Variants in TMC1 observed in about 807,000 individuals in gnomAD.
TMC1 encodes the protein transmembrane channel-like protein 1.
Under a neutral mutation model 105.8 loss-of-function variants are expected in TMC1, and 84 were observed. That is an observed-to-expected ratio of 0.79 (90% confidence interval 0.67 to 0.95). TMC1 has a LOEUF of 0.95. TMC1 is among the 40% of genes least tolerant of loss of function. The probability of loss-of-function intolerance (pLI) is 0.00; values close to 1 mark genes in which losing one functional copy is unlikely to be tolerated. For synonymous variants in TMC1, 315 were observed against 311.5 expected (o/e 1.01, Z -0.12); for missense variants, 817 against 914.1 (o/e 0.89, Z 1.37).
At position 72,816,159 on chromosome 9, in the gene TMC1, T is replaced by C. The variant is rs1430309680; in HGVS notation, c.1712T>C (p.Phe571Ser). 5 of 1,613,378 alleles carry C rather than the reference T, an allele frequency of 3.1e-6. No homozygotes were observed. The highest frequency in any genetic ancestry group is 4.2e-6 in the Non-Finnish European group (5 of 1,179,534). ...CTCCTCTAGCCTTCATACACCGAATTCGACATCAGTGGCAACGTCCTCGCT... is the reference window on the plus strand; with the variant it reads ...CTCCTCTAGCCTTCATACACCGAATCCGACATCAGTGGCAACGTCCTCGCT... ...LEYGYPSYTE[F>S]DISGNVLALI... Residue 571 changes from phenylalanine (F) to serine (S), a missense_variant, in exon 19 of 24, where the codon TTC becomes TCC. Phe to Ser is a radical substitution (Grantham distance 155, BLOSUM62 -2). Transcript: ENST00000297784.
At chr9:72,763,938 T>C (rs1827793205) in intron 12 of TMC1, among the ~76,000 whole-genome samples, 3 of 152,128 alleles carry the variant, frequency 2.0e-5, no homozygotes, top group African/African-American at 7.2e-5. Flanking sequence ...ATGACTAGGT[T>C]AGAGACTAAG....
intron 7 of TMC1, among the ~76,000 whole-genome samples, chr9:72,695,510 C>G (rs1826533725): frequency 6.6e-6 from 1 of 150,790 alleles, no homozygotes; most frequent in Non-Finnish European, 1.5e-5. Context: ...AGAGAACAGC[C>G]AACCTGTTCC....
intron 18 of TMC1, among the ~76,000 whole-genome samples, chr9:72,809,958 TGAGA>T (rs35770251): frequency 2.7e-4 from 41 of 150,742 alleles, no homozygotes; most frequent in African/African-American, 9.0e-4. Flanking sequence ...TGTGTGTGTG[TGAGA>T]GAGAGAGAGA....
chr9:72,531,244 T>G (rs1823494672), intron 1 of TMC1, among the ~76,000 whole-genome samples: 1 of 152,164 alleles, frequency 6.6e-6, no homozygotes. Flanking sequence ...GGAGTCTACT[T>G]TTGTCTACTT....
At chr9:72,736,061 A>T (rs867491913) in intron 8 of TMC1, among the ~76,000 whole-genome samples, 1 of 152,182 alleles carries the variant, frequency 6.6e-6, no homozygotes, top group African/African-American at 2.4e-5. Flanking sequence ...AAGAAAAGAA[A>T]TTCATACCTG....
intron 3 of TMC1, among the ~76,000 whole-genome samples, chr9:72,618,944 A>G (rs1825192500): frequency 6.6e-6 from 1 of 152,188 alleles, no homozygotes; most frequent in South Asian, 2.1e-4. Flanking sequence ...ACTCGCAACA[A>G]TTACCAAGCC....
intron 2 of TMC1, among the ~76,000 whole-genome samples, chr9:72,587,170 T>G (rs1000178553): frequency 5.3e-5 from 8 of 152,128 alleles, no homozygotes; most frequent in Non-Finnish European, 8.8e-5. Context: ...CTTTTTTTTT[T>G]TTTTTGACAT....
chr9:72,732,860 G>A (rs1419583597), intron 8 of TMC1, among the ~76,000 whole-genome samples: 6 of 152,170 alleles, frequency 3.9e-5, no homozygotes, highest in Non-Finnish European at 7.4e-5. Flanking sequence ...AGATTTTGAG[G>A]GGATGAAGTG....
At chr9:72,822,455 A>G (rs1463955231) in intron 20 of TMC1, among the ~76,000 whole-genome samples, 1 of 151,972 alleles carries the variant, frequency 6.6e-6, no homozygotes, top group African/African-American at 2.4e-5. Flanking sequence ...TGATCGAGTT[A>G]AACTAGCTGG....
At chr9:72,554,923 G>A (rs1455511425) in intron 1 of TMC1, among the ~76,000 whole-genome samples, 1 of 152,100 alleles carries the variant, frequency 6.6e-6, no homozygotes, top group Non-Finnish European at 1.5e-5. Flanking sequence ...CTGCTGCCCA[G>A]GCCAAAGTGC....
intron 5 of TMC1, among the ~76,000 whole-genome samples, chr9:72,658,458 A>G (rs1372217072): frequency 6.6e-6 from 1 of 152,240 alleles, no homozygotes; most frequent in African/African-American, 2.4e-5. Flanking sequence ...ATACGGGTAG[A>G]GTTCCATAAA....
At chr9:72,538,775 C>T (rs866440570) in intron 1 of TMC1, among the ~76,000 whole-genome samples, 40 of 152,184 alleles carry the variant, frequency 2.6e-4, no homozygotes, top group African/African-American at 9.2e-4. Flanking sequence ...TCCTTTAGGT[C>T]TTGCTATGTC....
chr9:72,563,321 T>C (rs1233822847), intron 1 of TMC1, among the ~76,000 whole-genome samples: 6 of 152,156 alleles, frequency 3.9e-5, no homozygotes, highest in Non-Finnish European at 1.5e-5. Context: ...TCATCAGCTT[T>C]ACATTTCACT....
At chr9:72,711,738 A>G (rs1463793138) in intron 8 of TMC1, among the ~76,000 whole-genome samples, 1 of 152,156 alleles carries the variant, frequency 6.6e-6, no homozygotes, top group Admixed American at 6.5e-5. Context: ...ATCTGATAAT[A>G]GTTTCTTTTC....
chr9:72,818,753 G>A (rs1828827753), intron 19 of TMC1: 1 of 152,174 alleles, frequency 6.6e-6, no homozygotes, highest in Non-Finnish European at 1.5e-5. Context: ...GCCTGGGTAA[G>A]GGACTTAGTG....
intron 23 of TMC1, 67 bp downstream of exon 23, chr9:72,830,749 T>C: frequency 6.9e-7 from 1 of 1,440,690 alleles, no homozygotes; most frequent in Non-Finnish European, 9.5e-7. Flanking sequence ...TTTTTTTTTT[T>C]TTTTTGCTTT....
At chr9:72,591,893 G>C (rs1252282674) in intron 2 of TMC1, among the ~76,000 whole-genome samples, 1 of 151,956 alleles carries the variant, frequency 6.6e-6, no homozygotes, top group Non-Finnish European at 1.5e-5. Context: ...CAGATATCTG[G>C]GTATCATTGA....
chr9:72,614,872 G>A (rs961392647), intron 2 of TMC1, among the ~76,000 whole-genome samples: 6 of 152,050 alleles, frequency 3.9e-5, no homozygotes, highest in Non-Finnish European at 8.8e-5. Flanking sequence ...TAGAGACAGG[G>A]TTTCATCATG....
At chr9:72,732,128 G>A (rs1827220831) in intron 8 of TMC1, among the ~76,000 whole-genome samples, 1 of 152,138 alleles carries the variant, frequency 6.6e-6, no homozygotes, top group African/African-American at 2.4e-5. Context: ...TTGGAAAATG[G>A]AGAAACCAAG....
Sources: allele counts gnomAD v4.1 joint callset (sites outside exome capture counted in the v4.1 genomes callset), GRCh38; gene constraint gnomAD v4.1.1; transcripts MANE v1.5; gene names NCBI Gene and HGNC (gene_info 2026-07-23, HGNC 2026-07-21).